RBMS3: variants seen among roughly 807,000 people sequenced by gnomAD.
RBMS3 encodes RNA binding motif single stranded interacting protein 3, also known as RNA-binding motif, single-stranded-interacting protein 3.
RBMS3 carries 27 observed loss-of-function variants against 66.8 expected under a neutral mutation model. The observed-to-expected ratio is 0.40, with a 90% CI of 0.30 to 0.56. The LOEUF is 0.56. Among genes scored for constraint, RBMS3 ranks in the 20% least tolerant of loss-of-function variants. The pLI, the probability that RBMS3 is intolerant of heterozygous loss-of-function variation, is 0.40. For synonymous variants in RBMS3, 188 were observed against 183.0 expected (o/e 1.03, Z -0.22); for missense variants, 513 against 549.5 (o/e 0.93, Z 0.66).
chr3:29,341,929 T>G (rs558810952), intron 1 of RBMS3, among the ~76,000 whole-genome samples: 2 of 152,256 alleles, frequency 1.3e-5, no homozygotes, highest in East Asian at 3.9e-4. Context: ...TTTCATTTAA[T>G]TGGATTAAAA....
chr3:29,526,382 G>T (rs752622030), intron 3 of RBMS3: 10 of 151,550 alleles, frequency 6.6e-5, no homozygotes, highest in Non-Finnish European at 8.8e-5. Context: ...TTAGCCGGGC[G>T]TGGTGGTGGG....
intron 10 of RBMS3, among the ~76,000 whole-genome samples, chr3:29,923,958 G>A (rs891556665): frequency 6.6e-6 from 1 of 152,052 alleles, no homozygotes; most frequent in Non-Finnish European, 1.5e-5. Context: ...CACCCCATCT[G>A]CCTTTGAAAA....
At chr3:29,414,020 C>T (rs1217026613) in intron 1 of RBMS3, among the ~76,000 whole-genome samples, 1 of 152,188 alleles carries the variant, frequency 6.6e-6, no homozygotes, top group Non-Finnish European at 1.5e-5. Context: ...CTTAAACACA[C>T]TTAGTAAAAA....
At chr3:29,925,719 T>C (rs2060920138) in intron 10 of RBMS3, among the ~76,000 whole-genome samples, 1 of 152,160 alleles carries the variant, frequency 6.6e-6, no homozygotes, top group African/African-American at 2.4e-5. Context: ...TTATCGTGAA[T>C]ATAACTCACC....
At chr3:29,322,183 T>A (rs1424624752) in intron 1 of RBMS3, among the ~76,000 whole-genome samples, 1 of 152,170 alleles carries the variant, frequency 6.6e-6, no homozygotes, top group Non-Finnish European at 1.5e-5. Context: ...TTTCTTCTTT[T>A]CTACCGTCTG....
At chr3:29,646,593 G>A (rs2049929929) in intron 4 of RBMS3, among the ~76,000 whole-genome samples, 1 of 150,212 alleles carries the variant, frequency 6.7e-6, no homozygotes, top group Admixed American at 6.6e-5. Flanking sequence ...ACTGGTTTAA[G>A]TTTCTTAACA....
intron 4 of RBMS3, among the ~76,000 whole-genome samples, chr3:29,711,484 CT>C (rs1192084444): frequency 6.6e-6 from 1 of 152,138 alleles, no homozygotes; most frequent in Non-Finnish European, 1.5e-5. Flanking sequence ...CTCCAAGAAA[CT>C]TGGAGCACAG....
At chr3:29,635,816 A>G (rs866942302) in intron 4 of RBMS3, among the ~76,000 whole-genome samples, 5 of 151,832 alleles carry the variant, frequency 3.3e-5, no homozygotes, top group Non-Finnish European at 4.4e-5. Context: ...AATTAACTGT[A>G]CTTCTCAGCT....
In RBMS3 at chr3:29,623,840, A is replaced by G. The variant is rs147085146; in HGVS notation, c.399+36635A>G. Among the ~76,000 whole-genome samples, 26 of 152,292 alleles carry G rather than the reference A, an allele frequency of 1.7e-4. No homozygotes were observed. In the East Asian group the frequency reaches 5.0e-3, roughly 29 times the overall value. ...ACTAATAGATAATGGAAAGATAACAATGGACTATGAATGAAGTGTAACATT... is the reference window on the plus strand; with the variant it reads ...ACTAATAGATAATGGAAAGATAACAGTGGACTATGAATGAAGTGTAACATT... On this transcript the variant is annotated intron_variant, in intron 4 of 14. Transcript: ENST00000383767.
chr3:29,687,117 A>G (rs372167544), intron 4 of RBMS3, among the ~76,000 whole-genome samples: 2 of 152,272 alleles, frequency 1.3e-5, no homozygotes, highest in Non-Finnish European at 2.9e-5. Flanking sequence ...TTTGAGTCAG[A>G]TAAGTTTTTT....
intron 3 of RBMS3, 81 bp downstream of exon 3, chr3:29,488,580 C>A: frequency 7.8e-7 from 1 of 1,281,824 alleles, no homozygotes; most frequent in Non-Finnish European, 1.1e-6. Flanking sequence ...GGTCCAGGTA[C>A]CAGCTGCACA....
At chr3:29,529,471 A>C (rs192323597) in intron 3 of RBMS3, among the ~76,000 whole-genome samples, 53 of 152,330 alleles carry the variant, frequency 3.5e-4, no homozygotes, top group Admixed American at 5.9e-4. Flanking sequence ...TTGAAAACGC[A>C]TGATTCTGTG....
chr3:29,500,235 A>T (rs1195419526), intron 3 of RBMS3, among the ~76,000 whole-genome samples: 1 of 151,600 alleles, frequency 6.6e-6, no homozygotes, highest in South Asian at 2.1e-4. Context: ...CATCTAAGAT[A>T]TAAGGAAATT....
chr3:29,467,019 A>G (rs13066634), intron 2 of RBMS3, among the ~76,000 whole-genome samples: 42,800 of 151,812 alleles, frequency 0.28, 6,258 homozygotes, highest in Admixed American at 0.4. Context: ...AAATTGTTTG[A>G]CCAAAGGCTA....
At chr3:29,354,411 C>A (rs948708305) in intron 1 of RBMS3, among the ~76,000 whole-genome samples, 19 of 151,838 alleles carry the variant, frequency 1.3e-4, no homozygotes, top group African/African-American at 4.6e-4. Flanking sequence ...TGGTCACATA[C>A]TTTCTCTCTC....
At chr3:29,328,738 G>T (rs1184624246) in intron 1 of RBMS3, among the ~76,000 whole-genome samples, 1 of 152,088 alleles carries the variant, frequency 6.6e-6, no homozygotes, top group African/African-American at 2.4e-5. Flanking sequence ...TCTCATAAAG[G>T]TGCTCAGAGC....
At chr3:29,549,206 T>G (rs2046093952) in intron 3 of RBMS3, among the ~76,000 whole-genome samples, 1 of 151,914 alleles carries the variant, frequency 6.6e-6, no homozygotes, top group South Asian at 2.1e-4. Context: ...TTGCCAATAT[T>G]TGTGCCTTCT....
At chr3:29,999,625 G>A (rs1699480261) in intron 14 of RBMS3, among the ~76,000 whole-genome samples, 1 of 152,076 alleles carries the variant, frequency 6.6e-6, no homozygotes, top group Non-Finnish European at 1.5e-5. Flanking sequence ...GGATGAAACT[G>A]GAAACCATCA....
At chr3:29,368,895 A>G (rs894647051) in intron 1 of RBMS3, among the ~76,000 whole-genome samples, 5 of 152,188 alleles carry the variant, frequency 3.3e-5, no homozygotes, top group Non-Finnish European at 5.9e-5. Flanking sequence ...ACAATAGCAA[A>G]GACATAGAAT....
Sources: allele counts gnomAD v4.1 joint callset (sites outside exome capture counted in the v4.1 genomes callset), GRCh38; gene constraint gnomAD v4.1.1; transcripts MANE v1.5; gene names NCBI Gene and HGNC (gene_info 2026-07-23, HGNC 2026-07-21).